Variants in MYT1L observed in about 807,000 individuals in gnomAD.
MYT1L encodes the protein myelin transcription factor 1 like, also known as myelin transcription factor 1-like protein.
MYT1L carries 12 observed loss-of-function variants against 126.7 expected under a neutral mutation model. The ratio of observed to expected loss-of-function variants is 0.09; its 90% CI spans 0.06 to 0.15. MYT1L has a LOEUF of 0.15. Among genes scored for constraint, MYT1L ranks in the 10% least tolerant of loss-of-function variants. MYT1L has a pLI of 1.00. For missense variants in MYT1L, 979 were observed against 1,585.2 expected (o/e 0.62, Z 6.49); for synonymous variants, 541 against 604.2 (o/e 0.90, Z 1.53).
intron 23 of MYT1L, among the ~76,000 whole-genome samples, chr2:1,796,299 T>C (rs10203241): frequency 1.7e-3 from 252 of 152,168 alleles, no homozygotes; most frequent in African/African-American, 6.0e-3. Flanking sequence ...GGAAGAAGTG[T>C]AAAATGGGTG....
In MYT1L at chr2:1,910,974, T is replaced by C. The variant is rs1407200361; in HGVS notation, c.1710-627A>G. Among the ~76,000 whole-genome samples, 1 of 152,218 alleles carries C rather than the reference T, an allele frequency of 6.6e-6. No individual in the cohort carries two copies. The highest frequency in any genetic ancestry group is 1.5e-5 in the Non-Finnish European group (1 of 68,042). On this transcript the variant is annotated intron_variant, in intron 12 of 24. Coordinates refer to ENST00000647738, the MANE Select transcript of MYT1L (RefSeq NM_001303052.2). This position sits in a 1 kb window ranked among gnomAD's most constrained non-coding sequence, Gnocchi z 4.8. Reference sequence around the variant, plus strand: ...GGGCTCTTTTGTGTGCAAGCTCACTTTATGTGAAATCACCGTGTCTGCTCT... The same window carrying C: ...GGGCTCTTTTGTGTGCAAGCTCACTCTATGTGAAATCACCGTGTCTGCTCT...
intron 1 of MYT1L, among the ~76,000 whole-genome samples, chr2:2,285,486 C>T (rs1387348803): frequency 6.6e-6 from 1 of 152,206 alleles, no homozygotes; most frequent in Non-Finnish European, 1.5e-5. Flanking sequence ...TACCCACTAA[C>T]CATATTCGTT....
chr2:1,947,148 T>A (rs534497240), intron 8 of MYT1L, among the ~76,000 whole-genome samples: 1 of 151,994 alleles, frequency 6.6e-6, no homozygotes, highest in East Asian at 1.9e-4. Context: ...GAGTCCCGAT[T>A]GCTGGGAAGT....
At chr2:2,309,758 G>T (rs1023055889) in intron 1 of MYT1L, among the ~76,000 whole-genome samples, 3 of 150,472 alleles carry the variant, frequency 2.0e-5, no homozygotes, top group African/African-American at 7.3e-5. Flanking sequence ...ACTTCAGTAT[G>T]CTCTGTCTAT....
intron 5 of MYT1L, among the ~76,000 whole-genome samples, chr2:1,989,715 G>T (rs1185961908): frequency 6.6e-6 from 1 of 152,106 alleles, no homozygotes; most frequent in African/African-American, 2.4e-5. Context: ...TTAGACTAGG[G>T]GCCAGGTGTG....
chr2:1,996,347 G>A (rs1016052466), intron 5 of MYT1L, among the ~76,000 whole-genome samples: 3 of 151,928 alleles, frequency 2.0e-5, no homozygotes, highest in Non-Finnish European at 4.4e-5. Flanking sequence ...GGGCTGTACA[G>A]AACCGAGTGT....
chr2:1,878,845 G>A (rs2047223494), intron 18 of MYT1L, among the ~76,000 whole-genome samples: 1 of 152,086 alleles, frequency 6.6e-6, no homozygotes, highest in African/African-American at 2.4e-5. Context: ...ATTTCTCTTT[G>A]GAGGTAGACG....
At chr2:2,305,419 A>G (rs1246464586) in intron 1 of MYT1L, among the ~76,000 whole-genome samples, 1 of 152,230 alleles carries the variant, frequency 6.6e-6, no homozygotes, top group Non-Finnish European at 1.5e-5. Context: ...TTTCCCTAAA[A>G]AAGTTAACTT....
Position 1,795,125 on chromosome 2 carries a change from G to T in MYT1L, c.3277-2661C>A, listed in dbSNP as rs1018207759. 2.0e-5 allele frequency among the ~76,000 whole-genome samples: 3 copies of T among 152,228 alleles called. No homozygotes were observed. In the East Asian group the frequency reaches 5.8e-4, roughly 29 times the overall value. The stretch of plus-strand genomic sequence containing the variant: ...TTGCTTCCCTGAGCCTTCCTCCAGG[G>T]TGGCAAGAAGCTGAGTGTCTCAGGG... On this transcript the variant is annotated intron_variant, in intron 23 of 24. Coordinates refer to ENST00000647738, the MANE Select transcript of MYT1L (RefSeq NM_001303052.2).
chr2:1,904,330 T>C lies in MYT1L; in HGVS notation c.1818-1036A>G, dbSNP rs368558132. Among the ~76,000 whole-genome samples the C allele has an allele frequency of 4.6e-5, 7 of 152,260 alleles. No homozygotes were observed. In the East Asian group the frequency reaches 5.8e-4, roughly 13 times the overall value. On this transcript the variant is annotated intron_variant, in intron 13 of 24. Transcript: ENST00000647738. The stretch of plus-strand genomic sequence containing the variant: ...CTTCATGGATTGGACACTGAAGAGC[T>C]GGTCAGGTTTTGTAGAATCAGATAC...
Position 1,922,651 on chromosome 2 carries a change from T to C in MYT1L, c.1118A>G (p.Asp373Gly), listed in dbSNP as rs776932288. The change falls in exon 10 of 25, where the codon GAC becomes GGC. Residue 373 changes from aspartate (D) to glycine (G), a missense_variant. Coordinates refer to ENST00000647738, the MANE Select transcript of MYT1L (RefSeq NM_001303052.2). The surrounding 1 kb of genome is among the most constrained non-coding windows in gnomAD (Gnocchi z 7.4). ...GTTCAGCATGTCCGAGTAGTTTCTG[T>C]CCGGCGTCCTTCCGGGGAAGTCCTC... ...PEEDFPGRTP[D>G]RNYSDMLNLM... is the part of the protein sequence containing the mutation. 6.2e-7 allele frequency: 1 copy of C among 1,613,884 alleles called. No homozygotes were observed. The highest frequency in any genetic ancestry group is 8.5e-7 in the Non-Finnish European group (1 of 1,179,844).
chr2:2,134,498 GC>G (rs1281195574), intron 3 of MYT1L, among the ~76,000 whole-genome samples: 1 of 152,136 alleles, frequency 6.6e-6, no homozygotes, highest in Non-Finnish European at 1.5e-5. Context: ...TTATGTTGAT[GC>G]CCTAACCACA....
intron 2 of MYT1L, among the ~76,000 whole-genome samples, chr2:2,266,234 C>A (rs2095126573): frequency 6.6e-6 from 1 of 152,216 alleles, no homozygotes; most frequent in Admixed American, 6.5e-5. Flanking sequence ...TACAGCAAGG[C>A]TTTTAGCTAA....
chr2:2,200,833 C>T (rs902696550), intron 2 of MYT1L, among the ~76,000 whole-genome samples: 1 of 152,168 alleles, frequency 6.6e-6, no homozygotes, highest in African/African-American at 2.4e-5. Context: ...CACGCTGGAG[C>T]CATAAGGGAA....
At chr2:1,939,981 G>T (rs1480710618) in intron 9 of MYT1L, among the ~76,000 whole-genome samples, 1 of 152,252 alleles carries the variant, frequency 6.6e-6, no homozygotes, top group Admixed American at 6.5e-5. Context: ...CAAGCCTTCG[G>T]TGTCCCTCCA....
At chr2:2,321,836 T>C (rs1047486237) in intron 1 of MYT1L, among the ~76,000 whole-genome samples, 2 of 152,150 alleles carry the variant, frequency 1.3e-5, no homozygotes, top group Non-Finnish European at 2.9e-5. Flanking sequence ...TTAAAGAAAT[T>C]GGAGTGTTCT....
At chr2:1,920,188 A>G (rs1348730383) in intron 10 of MYT1L, among the ~76,000 whole-genome samples, 1 of 152,172 alleles carries the variant, frequency 6.6e-6, no homozygotes, top group Non-Finnish European at 1.5e-5. Flanking sequence ...CAAATCTGCA[A>G]CCTTTCCTCC....
chr2:2,173,320 T>G (rs1462005974), intron 2 of MYT1L, among the ~76,000 whole-genome samples: 1 of 152,258 alleles, frequency 6.6e-6, no homozygotes, highest in African/African-American at 2.4e-5. Flanking sequence ...CTCAGATGAT[T>G]GCTTCTTTAA....
intron 22 of MYT1L, among the ~76,000 whole-genome samples, chr2:1,808,724 G>A (rs2036110217): frequency 6.6e-6 from 1 of 152,138 alleles, no homozygotes; most frequent in Admixed American, 6.5e-5. Context: ...GCCTGGGGTG[G>A]CCCCAAAGCT....
Sources: gnomAD v4.1 joint callset for allele counts (sites outside exome capture counted in the v4.1 genomes callset) on GRCh38, gnomAD v4.1.1 for gene constraint, Gnocchi (gnomAD v3.1) non-coding constraint, MANE v1.5 for transcripts, NCBI Gene and HGNC (gene_info 2026-07-23, HGNC 2026-07-21) for gene names.